The following ARFIP1 variants were observed in gnomAD, a reference collection of about 807,000 sequenced individuals.
ARFIP1 encodes arfaptin-1.
A neutral mutation model predicts 42.5 loss-of-function variants in ARFIP1; 24 were observed. That is an observed-to-expected ratio of 0.57 (90% CI 0.41 to 0.80). The LOEUF (loss-of-function observed/expected upper bound fraction) is 0.80, where lower values mean the gene tolerates loss of function less well. Ranked by LOEUF, ARFIP1 falls within the 30% of genes least tolerant of loss-of-function variation. The probability of loss-of-function intolerance (pLI) is 0.00; values close to 1 mark genes in which losing one functional copy is unlikely to be tolerated. For synonymous variants in ARFIP1, 141 were observed against 153.7 expected (o/e 0.92, Z 0.61); for missense variants, 354 against 434.0 (o/e 0.82, Z 1.64).
intron 8 of ARFIP1, among the ~76,000 whole-genome samples, chr4:152,900,360 T>G (rs536273275): frequency 1.4e-4 from 21 of 152,298 alleles, no homozygotes; most frequent in African/African-American, 4.8e-4. Flanking sequence ...TAGGTAATGT[T>G]TCATCAATTT....
intron 1 of ARFIP1, among the ~76,000 whole-genome samples, chr4:152,828,900 A>G (rs1731047667): frequency 6.6e-6 from 1 of 152,224 alleles, no homozygotes; most frequent in South Asian, 2.1e-4. Flanking sequence ...TTTTATGAAC[A>G]GTGTAAGATC....
chr4:152,836,917 A>G (rs1177582522), intron 2 of ARFIP1, among the ~76,000 whole-genome samples: 1 of 151,850 alleles, frequency 6.6e-6, no homozygotes, highest in Admixed American at 6.6e-5. Flanking sequence ...ACCATATTTT[A>G]TCCCTTGTCC....
chr4:152,841,887 G>C (rs191689646), intron 2 of ARFIP1, among the ~76,000 whole-genome samples: 3 of 152,052 alleles, frequency 2.0e-5, no homozygotes, highest in African/African-American at 4.8e-5. Flanking sequence ...GAAGGCACCC[G>C]TCTCGAGGAA....
At chr4:152,841,861 C>T (rs748174515) in intron 2 of ARFIP1, among the ~76,000 whole-genome samples, 1 of 152,070 alleles carries the variant, frequency 6.6e-6, no homozygotes, top group East Asian at 1.9e-4. Flanking sequence ...CCACATGCTC[C>T]GATGTTAATG....
At chr4:152,783,287 C>A (rs1730611694) in intron 1 of ARFIP1, among the ~76,000 whole-genome samples, 2 of 152,030 alleles carry the variant, frequency 1.3e-5, no homozygotes, top group Admixed American at 1.3e-4. Context: ...TCCAGCCTGG[C>A]CAACAGAGTG....
At chr4:152,804,250 T>TATAACATGTATTATATATAATATATAAC (rs1728747096) in intron 1 of ARFIP1, among the ~76,000 whole-genome samples, 5 of 38,322 alleles carry the variant, frequency 1.3e-4, no homozygotes, top group African/African-American at 4.4e-4. Flanking sequence ...TAATATATAA[T>TATAACATGTATTATATATAATATATAAC]ATAACATGTA....
chr4:152,816,784 A>G (rs150187777), intron 1 of ARFIP1, among the ~76,000 whole-genome samples: 467 of 152,370 alleles, frequency 3.1e-3, no homozygotes, highest in African/African-American at 8.8e-3. Flanking sequence ...GTGAGTGAGC[A>G]ATCACCATTC....
At chr4:152,882,307 T>C (rs2149892788) in intron 6 of ARFIP1, among the ~76,000 whole-genome samples, 1 of 151,980 alleles carries the variant, frequency 6.6e-6, no homozygotes, top group South Asian at 2.1e-4. Flanking sequence ...ACAAAAAAAA[T>C]GCACTTTGTT....
At chr4:152,806,013 C>T (rs1248347535) in intron 1 of ARFIP1, among the ~76,000 whole-genome samples, 1 of 152,252 alleles carries the variant, frequency 6.6e-6, no homozygotes, top group African/African-American at 2.4e-5. Context: ...AGGAAATATA[C>T]ATCATACTTG....
At chr4:152,859,785 G>A (rs1733734265) in intron 2 of ARFIP1, among the ~76,000 whole-genome samples, 1 of 150,368 alleles carries the variant, frequency 6.7e-6, no homozygotes, top group African/African-American at 2.5e-5. Context: ...TCTACTAAAG[G>A]TGTCGTTTTA....
chr4:152,809,181 CTT>C (rs918038222), intron 1 of ARFIP1, among the ~76,000 whole-genome samples: 1 of 152,172 alleles, frequency 6.6e-6, no homozygotes, highest in African/African-American at 2.4e-5. Flanking sequence ...ACCTTCCTCT[CTT>C]ATATAGGGCA....
intron 2 of ARFIP1, among the ~76,000 whole-genome samples, chr4:152,847,342 A>T (rs1732638892): frequency 6.6e-6 from 1 of 151,472 alleles, no homozygotes; most frequent in African/African-American, 2.4e-5. Context: ...CATGTTGGCC[A>T]GGCTGGTCTT....
chr4:152,867,587 T>C (rs111748410), intron 3 of ARFIP1, among the ~76,000 whole-genome samples: 145 of 152,260 alleles, frequency 9.5e-4, no homozygotes, highest in Non-Finnish European at 1.8e-3. Context: ...AAGCAATCTT[T>C]TAAATATTTT....
chr4:152,841,403 G>A (rs570441476), intron 2 of ARFIP1, among the ~76,000 whole-genome samples: 7 of 152,076 alleles, frequency 4.6e-5, no homozygotes, highest in Admixed American at 2.0e-4. Context: ...TGTGAGGTAC[G>A]GTTGCATTCA....
At chr4:152,895,775 T>A (rs747003463) in intron 8 of ARFIP1, among the ~76,000 whole-genome samples, 2 of 152,046 alleles carry the variant, frequency 1.3e-5, no homozygotes, top group Non-Finnish European at 2.9e-5. Flanking sequence ...TTGCCCAGGC[T>A]GTTTTCAAAC....
intron 3 of ARFIP1, among the ~76,000 whole-genome samples, chr4:152,865,009 G>A (rs955424420): frequency 3.4e-5 from 5 of 147,576 alleles, no homozygotes; most frequent in African/African-American, 1.3e-4. Flanking sequence ...CTGTAAAGTA[G>A]TAGCTACAGT....
intron 1 of ARFIP1, among the ~76,000 whole-genome samples, chr4:152,787,379 G>A (rs1284445334): frequency 5.9e-5 from 9 of 152,172 alleles, no homozygotes; most frequent in Non-Finnish European, 1.0e-4. Flanking sequence ...CCAACTTTAT[G>A]TGATGAATCA....
chr4:152,819,486 G>A (rs536141454), intron 1 of ARFIP1, among the ~76,000 whole-genome samples: 4 of 152,234 alleles, frequency 2.6e-5, no homozygotes, highest in African/African-American at 7.2e-5. Context: ...GACAGGTTAC[G>A]TCACTGAATC....
intron 7 of ARFIP1, among the ~76,000 whole-genome samples, chr4:152,885,799 C>G (rs773395728): frequency 6.6e-6 from 1 of 151,850 alleles, no homozygotes; most frequent in Non-Finnish European, 1.5e-5. Context: ...ACTTTTTTCT[C>G]TTTTATTTCC....
Sources: gnomAD v4.1 joint callset for allele counts (sites outside exome capture counted in the v4.1 genomes callset) on GRCh38, gnomAD v4.1.1 for gene constraint, MANE v1.5 for transcripts, NCBI Gene and HGNC (gene_info 2026-07-23, HGNC 2026-07-21) for gene names.